PCM1: variants seen among roughly 807,000 people sequenced by gnomAD.
PCM1 encodes pericentriolar material 1 protein.
A neutral mutation model predicts 241.9 loss-of-function variants in PCM1; 157 were observed. That is an observed-to-expected ratio of 0.65 (90% CI 0.57 to 0.74). PCM1 has a LOEUF of 0.74. PCM1 is among the 30% of genes least tolerant of loss of function. The pLI is 0.00. For missense variants in PCM1, 3,478 were observed against 2,360.1 expected (o/e 1.47, Z -9.81); for synonymous variants, 1,085 against 784.9 (o/e 1.38, Z -6.39).
chr8:17,963,201 G>T lies in PCM1; in HGVS notation c.2564G>T (p.Gly855Val). 2 of 1,613,696 alleles carry T rather than the reference G, an allele frequency of 1.2e-6. No homozygotes were observed. The highest frequency in any genetic ancestry group is 1.7e-6 in the Non-Finnish European group (2 of 1,179,712). ...ALMAEHQRRQ[G>V]LAETASPVAV... ...ATGGCTGAACATCAGAGGAGGCAAG[G>T]TCTAGCTGAAACTGCATCTCCAGTG... The change falls in exon 17 of 39, where the codon GGT becomes GTT. Residue 855 changes from glycine (G) to valine (V), a missense_variant. Gly to Val is a moderately radical substitution (Grantham distance 109, BLOSUM62 -3). Coordinates refer to ENST00000325083, the MANE Select transcript of PCM1 (RefSeq NM_006197.4).
chr8:17,935,572 C>A lies in PCM1; in HGVS notation c.-22-17C>A. On this transcript the variant is annotated splice_polypyrimidine_tract_variant and intron_variant, in intron 2 of 38. Coordinates refer to ENST00000325083, the MANE Select transcript of PCM1 (RefSeq NM_006197.4). ...TTTTTATGTGTTATAAAGCTCAGTT[C>A]TTAACTTGTTTCGCAGAGAGTTAAT... 1 of 880,458 alleles carries A rather than the reference C, an allele frequency of 1.1e-6. No homozygotes were observed. The highest frequency in any genetic ancestry group is 1.9e-6 in the Non-Finnish European group (1 of 520,296). The allele number at this position is 880,458 out of a possible 1,614,324, so 54.5% of individuals were successfully genotyped here. A position where few individuals can be genotyped will look rare whatever the true frequency, so the allele number is the denominator to read the frequency against.
intron 6 of PCM1, among the ~76,000 whole-genome samples, chr8:17,941,107 TAGAG>T (rs1271750510): frequency 6.6e-5 from 10 of 152,312 alleles, no homozygotes; most frequent in Admixed American, 1.3e-4. Flanking sequence ...AGGAGATACT[TAGAG>T]AGCCTGATCC....
In PCM1 at chr8:17,958,657, A is replaced by G. The variant is rs118180867; in HGVS notation, c.2040+882A>G. Among the ~76,000 whole-genome samples the G allele has an allele frequency of 5.4e-3, 817 of 152,226 alleles. 4 individuals are homozygous for G. Among genetic ancestry groups the G allele is most frequent in the Non-Finnish European group, 7.6e-3 (516 of 68,014 alleles). On this transcript the variant is annotated intron_variant, in intron 13 of 38. Coordinates refer to ENST00000325083, the MANE Select transcript of PCM1 (RefSeq NM_006197.4). ...TATTAACAGTTTCTTTTGAAATGCT[A>G]TGTACTTTGAATTACTCAAGTAAAA...
chr8:17,934,168 T>G (rs2059797093), intron 2 of PCM1, among the ~76,000 whole-genome samples: 1 of 152,168 alleles, frequency 6.6e-6, no homozygotes, highest in Non-Finnish European at 1.5e-5. Context: ...GAGTTGATAA[T>G]CCTTTTGATA....
Position 17,931,975 on chromosome 8 carries a change from G to C in PCM1, c.-22-3614G>C, listed in dbSNP as rs2129447598. On this transcript the variant is annotated intron_variant, in intron 2 of 38. Coordinates refer to ENST00000325083, the MANE Select transcript of PCM1 (RefSeq NM_006197.4). ...AGTGCCTACCCTGTAACCAATAATTGCTTTTGTGAAAGCACTTTAATAAAG... is the reference window on the plus strand; with the variant it reads ...AGTGCCTACCCTGTAACCAATAATTCCTTTTGTGAAAGCACTTTAATAAAG... Among the ~76,000 whole-genome samples the C allele has an allele frequency of 1.3e-5, 2 of 152,128 alleles. 1 individual carries two copies. Among genetic ancestry groups the C allele is most frequent in the East Asian group, 3.9e-4 (2 of 5,192 alleles).
At chr8:17,999,170 G>T (rs1378232737) in intron 29 of PCM1, among the ~76,000 whole-genome samples, 1 of 151,934 alleles carries the variant, frequency 6.6e-6, no homozygotes, top group Non-Finnish European at 1.5e-5. Flanking sequence ...TACTTAAGGT[G>T]CAAGACAAAG....
intron 34 of PCM1, among the ~76,000 whole-genome samples, chr8:18,012,066 T>C (rs1227061375): frequency 2.0e-5 from 3 of 152,148 alleles, no homozygotes; most frequent in Non-Finnish European, 4.4e-5. Flanking sequence ...TTGTAGCTCA[T>C]TGCTCATAGC....
chr8:17,982,882 CAT>C (rs1223471990), intron 24 of PCM1, among the ~76,000 whole-genome samples: 5 of 152,284 alleles, frequency 3.3e-5, no homozygotes, highest in East Asian at 1.9e-4. Context: ...GTACTCATAA[CAT>C]ATGATTATTA....
chr8:17,952,376 A>T (rs117919538), intron 8 of PCM1, among the ~76,000 whole-genome samples: 2,556 of 152,208 alleles, frequency 0.017, 37 homozygotes, highest in South Asian at 0.042. Context: ...GGTTTATTTT[A>T]TGTAACGTGG....
chr8:17,939,761 A>G lies in PCM1; in HGVS notation c.683A>G (p.Glu228Gly). The G allele has an allele frequency of 6.4e-7, 1 of 1,553,130 alleles. No homozygotes were observed. The highest frequency in any genetic ancestry group is 8.7e-7 in the Non-Finnish European group (1 of 1,143,198). ...AGTTCCATGCGGGAAGATCTTGTAG[A>G]GAAAAATGAGAGATCTGCTAATGTT... ...KASSMREDLVEKNERSANVER... is the reference protein window; with the variant it reads ...KASSMREDLVGKNERSANVER... Residue 228 changes from glutamate (E) to glycine (G), a missense_variant, in exon 6 of 39, where the codon GAG becomes GGG. Physicochemically the swap from Glu to Gly is moderately conservative, Grantham distance 98. Coordinates refer to ENST00000325083, the MANE Select transcript of PCM1 (RefSeq NM_006197.4).
At chr8:17,988,258 C>T (rs1048772675) in intron 26 of PCM1, among the ~76,000 whole-genome samples, 1 of 151,810 alleles carries the variant, frequency 6.6e-6, no homozygotes, top group South Asian at 2.1e-4. Context: ...TCTAAATTTC[C>T]TTTAATCAGG....
At chr8:17,984,304 C>G (rs1375823705) in intron 24 of PCM1, among the ~76,000 whole-genome samples, 3 of 151,754 alleles carry the variant, frequency 2.0e-5, no homozygotes, top group African/African-American at 7.3e-5. Flanking sequence ...TATCAAAATT[C>G]TTTTTACCTG....
chr8:17,939,590 G>C, intron 5 of PCM1, 101 bp from the exon 6 acceptor site: 1 of 560,458 alleles, frequency 1.8e-6, no homozygotes, highest in African/African-American at 1.9e-5. Context: ...GGTTATCTTC[G>C]AAATAAAAAT....
intron 8 of PCM1, among the ~76,000 whole-genome samples, chr8:17,952,718 G>A (rs368775862): frequency 6.6e-6 from 1 of 152,148 alleles, no homozygotes; most frequent in Non-Finnish European, 1.5e-5. Context: ...TTGGGTATCT[G>A]TTGTTTTTGG....
intron 6 of PCM1, chr8:17,940,169 T>G (rs2129450597): frequency 7.2e-7 from 1 of 1,389,766 alleles, no homozygotes; most frequent in Admixed American, 2.0e-5. Flanking sequence ...GTAAGCGGCT[T>G]TTTGGTAATT....
In PCM1 at chr8:17,991,604, A is replaced by T; in HGVS notation, c.4594A>T (p.Thr1532Ser). ...AATGAGAGAATATGAGCGTATGAAG[A>T]CTGAGGCTGAAAGTAACTCAAATAT... Reference protein sequence around the residue: ...ARMREYERMKTEAESNSNMRC... With the variant: ...ARMREYERMKSEAESNSNMRC... The change falls in exon 28 of 39, where the codon ACT (threonine) becomes TCT (serine). Residue 1532 changes from threonine to serine, a missense_variant. Transcript: ENST00000325083. 6.3e-7 allele frequency: 1 copy of T among 1,592,610 alleles called. No individual in the cohort carries two copies. Among genetic ancestry groups the T allele is most frequent in the South Asian group, 1.1e-5 (1 of 87,372 alleles).
intron 20 of PCM1, 83 bp from the exon 21 acceptor site, chr8:17,966,897 T>A (rs945568203): frequency 1.6e-6 from 2 of 1,287,552 alleles, no homozygotes; most frequent in Non-Finnish European, 2.1e-6. Context: ...TTGAATCATT[T>A]TTTTACATGT....
chr8:17,935,244 G>A (rs1189660228), intron 2 of PCM1, among the ~76,000 whole-genome samples: 2 of 152,346 alleles, frequency 1.3e-5, no homozygotes, highest in African/African-American at 2.4e-5. Context: ...TTTCCTGGGA[G>A]AAGTTCTGGG....
In PCM1 at chr8:17,955,521, C is replaced by T; in HGVS notation, c.1340C>T (p.Ser447Phe). ...AGAAGTACTTCAGCTCCCTCTGCTT[C>T]TGTAGGCTTGGCACCGGTTGTCAAT... ...DQRSTSAPSASVGLAPVVNGE... is the reference protein window; with the variant it reads ...DQRSTSAPSAFVGLAPVVNGE... Residue 447 changes from serine to phenylalanine, a missense_variant, in exon 10 of 39, where the codon TCT becomes TTT. Coordinates refer to ENST00000325083, the MANE Select transcript of PCM1 (RefSeq NM_006197.4). 1 of 1,613,782 alleles carries T rather than the reference C, an allele frequency of 6.2e-7. No homozygotes were observed. The highest frequency in any genetic ancestry group is 8.5e-7 in the Non-Finnish European group (1 of 1,179,782).
Sources: gnomAD v4.1 joint callset for allele counts (sites outside exome capture counted in the v4.1 genomes callset) on GRCh38, gnomAD v4.1.1 for gene constraint, MANE v1.5 for transcripts, NCBI Gene and HGNC (gene_info 2026-07-23, HGNC 2026-07-21) for gene names.